DAAM1: variants seen among roughly 807,000 people sequenced by gnomAD.
DAAM1 encodes the protein dishevelled associated activator of morphogenesis 1.
A neutral mutation model predicts 130.0 loss-of-function variants in DAAM1; 52 were observed. The ratio of observed to expected loss-of-function variants is 0.40; its 90% CI spans 0.32 to 0.50. DAAM1 has a LOEUF of 0.50. Ranked by LOEUF, DAAM1 falls within the 20% of genes least tolerant of loss-of-function variation. The pLI is 0.61. For missense variants in DAAM1, 1,134 were observed against 1,303.8 expected (o/e 0.87, Z 2.01); for synonymous variants, 452 against 444.5 (o/e 1.02, Z -0.21).
At chr14:59,199,003 T>C (rs368826999) in intron 1 of DAAM1, among the ~76,000 whole-genome samples, 2 of 152,244 alleles carry the variant, frequency 1.3e-5, no homozygotes, top group African/African-American at 4.8e-5. Flanking sequence ...CACTGTGTAC[T>C]CATCAAAGTA....
chr14:59,321,861 T>G lies in DAAM1; in HGVS notation c.441-1031T>G, dbSNP rs200096012. 2.2e-4 allele frequency among the ~76,000 whole-genome samples: 34 copies of G among 152,330 alleles called. No homozygotes were observed. The East Asian group carries it at 6.2e-3, about 28-fold the overall frequency. On this transcript the variant is annotated intron_variant, in intron 5 of 24. Transcript: ENST00000360909. Reference sequence around the variant, plus strand: ...TCAGATGTTAATCGATATCCAAGCCTAAATAAGTTTGGAAAATTTATCACA... The same window carrying G: ...TCAGATGTTAATCGATATCCAAGCCGAAATAAGTTTGGAAAATTTATCACA...
At chr14:59,283,520 T>G (rs1883309267) in intron 2 of DAAM1, among the ~76,000 whole-genome samples, 2 of 152,152 alleles carry the variant, frequency 1.3e-5, no homozygotes, top group African/African-American at 2.4e-5. Flanking sequence ...ATGTGTGTGT[T>G]TTTGTGATGT....
At chr14:59,263,066 C>T (rs570250563) in intron 1 of DAAM1, among the ~76,000 whole-genome samples, 1 of 152,218 alleles carries the variant, frequency 6.6e-6, no homozygotes, top group East Asian at 1.9e-4. Flanking sequence ...GAAGAGATCT[C>T]CTAGGGGGCA....
chr14:59,339,314 A>C (rs547383410), intron 15 of DAAM1, among the ~76,000 whole-genome samples: 1 of 152,230 alleles, frequency 6.6e-6, no homozygotes, highest in Non-Finnish European at 1.5e-5. Flanking sequence ...ATGAAATCAA[A>C]CTTGCTATTT....
At chr14:59,338,382 T>C (rs1885707508) in intron 15 of DAAM1, 1 of 1,613,658 alleles carries the variant, frequency 6.2e-7, no homozygotes, top group Admixed American at 1.7e-5. Flanking sequence ...GCCATGGCTG[T>C]AGGATTTCTT....
chr14:59,301,482 T>C (rs1884171296), intron 3 of DAAM1, among the ~76,000 whole-genome samples: 1 of 152,110 alleles, frequency 6.6e-6, no homozygotes, highest in South Asian at 2.1e-4. Flanking sequence ...GTTTGCACCC[T>C]GATTTCCAGA....
intron 1 of DAAM1, among the ~76,000 whole-genome samples, chr14:59,240,483 A>G (rs1881061083): frequency 1.3e-5 from 2 of 152,128 alleles, no homozygotes; most frequent in African/African-American, 2.4e-5. Flanking sequence ...GAATCACTCA[A>G]TGGAAAGTTC....
intron 23 of DAAM1, among the ~76,000 whole-genome samples, chr14:59,366,888 CAACCTGGGT>C (rs1886936168): frequency 6.7e-6 from 1 of 149,668 alleles, no homozygotes; most frequent in Non-Finnish European, 1.5e-5. Flanking sequence ...CACTAAACTC[CAACCTGGGT>C]AACATGTAAG....
intron 2 of DAAM1, among the ~76,000 whole-genome samples, chr14:59,278,765 A>G (rs1883083271): frequency 1.3e-5 from 2 of 152,334 alleles, no homozygotes; most frequent in Middle Eastern, 3.4e-3. Flanking sequence ...AAGGATAAGA[A>G]TATTTTAAGG....
At chr14:59,288,864 C>T (rs1027602970) in intron 2 of DAAM1, among the ~76,000 whole-genome samples, 3 of 120,156 alleles carry the variant, frequency 2.5e-5, no homozygotes, top group Admixed American at 7.8e-5. Context: ...AGAGAGAGCG[C>T]GCGAAGGGGG....
rs139455876 is a variant in DAAM1 at position 59,331,970 on chromosome 14, T to C, written c.1968+50T>C. 7.2e-5 allele frequency: 106 copies of C among 1,478,918 alleles called. No individual in the cohort carries two copies. The East Asian group carries it at 2.4e-3, about 33-fold the overall frequency. The allele number at this position is 1,478,918 out of a possible 1,614,324, so 91.6% of individuals were successfully genotyped here. On this transcript the variant is annotated intron_variant, in intron 15 of 24. Transcript: ENST00000360909. ...CCAAAAAGGTAGAAAAATCATGTCT[T>C]ATGCATGATCTCTGGCCCATCAGCC...
intron 1 of DAAM1, among the ~76,000 whole-genome samples, chr14:59,221,888 A>G (rs1888783735): frequency 6.6e-6 from 1 of 152,208 alleles, no homozygotes; most frequent in Non-Finnish European, 1.5e-5. Flanking sequence ...ATAGGAAGCA[A>G]ACATTTTGCC....
chr14:59,344,415 C>G lies in DAAM1; in HGVS notation c.2076-3124C>G, dbSNP rs181816018. On this transcript the variant is annotated intron_variant, in intron 16 of 24. Coordinates refer to ENST00000360909, the MANE Select transcript of DAAM1 (RefSeq NM_001270520.2). The stretch of plus-strand genomic sequence containing the variant: ...TTGTAAAGAAAGTTGGAGTAGATAT[C>G]TCAAAAGTTGCCACCCTCTGGCACT... Among the ~76,000 whole-genome samples, 24 of 152,302 alleles carry G rather than the reference C, an allele frequency of 1.6e-4. No individual in the cohort carries two copies. In the East Asian group the frequency reaches 4.1e-3, roughly 26 times the overall value.
At chr14:59,368,389 A>T (rs1398840231) in intron 24 of DAAM1, among the ~76,000 whole-genome samples, 2 of 151,964 alleles carry the variant, frequency 1.3e-5, no homozygotes, top group African/African-American at 2.4e-5. Context: ...TCTTATTTTA[A>T]CTAGAATATC....
intron 16 of DAAM1, among the ~76,000 whole-genome samples, chr14:59,343,762 A>G (rs61984498): frequency 0.087 from 13,191 of 152,274 alleles, 720 homozygotes; most frequent in Non-Finnish European, 0.13. Context: ...AGGAGGTGCC[A>G]GCACTCCCCA....
At chr14:59,211,218 AG>A (rs144999988) in intron 1 of DAAM1, among the ~76,000 whole-genome samples, 1,637 of 152,354 alleles carry the variant, frequency 0.011, 24 homozygotes, top group African/African-American at 0.037. Flanking sequence ...TAATAATCCC[AG>A]TAACAGAATA....
chr14:59,357,648 T>C (rs1480853730), intron 20 of DAAM1, among the ~76,000 whole-genome samples: 1 of 152,118 alleles, frequency 6.6e-6, no homozygotes, highest in Non-Finnish European at 1.5e-5. Flanking sequence ...CGTGGTGTCA[T>C]GCGCTTGTAG....
At chr14:59,300,974 GTTA>G (rs1251580447) in intron 3 of DAAM1, among the ~76,000 whole-genome samples, 1 of 152,122 alleles carries the variant, frequency 6.6e-6, no homozygotes, top group African/African-American at 2.4e-5. Context: ...TAGACATGTA[GTTA>G]TTGAGTTGTT....
rs772452537 is a variant in DAAM1 at position 59,263,533 on chromosome 14, G to T, written c.56G>T (p.Arg19Leu). 1 of 1,614,160 alleles carries T rather than the reference G, an allele frequency of 6.2e-7. No individual in the cohort carries two copies. The highest frequency in any genetic ancestry group is 1.1e-5 in the South Asian group (1 of 91,084). ...RGISFIFCCF[R>L]NNDHPEITYR... ...ATTTCATTCATCTTTTGCTGTTTCC[G>T]AAATAATGATCACCCAGAAATCACG... Residue 19 changes from arginine (R) to leucine (L), a missense_variant, in exon 2 of 25, where the codon CGA (arginine) becomes CTA (leucine). Physicochemically the swap from Arg to Leu is moderately radical, Grantham distance 102. This residue lies in a region of DAAM1 where 99 missense variants were observed against 86.4 expected (regional missense o/e 1.15). Transcript: ENST00000360909.
Sources: allele counts gnomAD v4.1 joint callset (sites outside exome capture counted in the v4.1 genomes callset), GRCh38; gene constraint gnomAD v4.1.1; regional missense constraint gnomAD v4.1.1; transcripts MANE v1.5; gene names NCBI Gene and HGNC (gene_info 2026-07-23, HGNC 2026-07-21).